Variants in MAST4 observed in about 807,000 individuals in gnomAD.
The protein encoded by MAST4 is microtubule-associated serine/threonine-protein kinase 4.
In MAST4, 89 loss-of-function variants were observed where a neutral mutation model predicts 162.7. The ratio of observed to expected loss-of-function variants is 0.55; its 90% CI spans 0.46 to 0.65. The LOEUF (loss-of-function observed/expected upper bound fraction) is 0.65, where lower values mean the gene tolerates loss of function less well. Ranked by LOEUF, MAST4 falls within the 30% of genes least tolerant of loss-of-function variation. The pLI, the probability that MAST4 is intolerant of heterozygous loss-of-function variation, is 0.00. For synonymous variants in MAST4, 1,479 were observed against 1,361.1 expected (o/e 1.09, Z -1.91); for missense variants, 3,153 against 3,374.0 (o/e 0.93, Z 1.62).
intron 5 of MAST4, among the ~76,000 whole-genome samples, chr5:67,081,428 G>A (rs537944617): frequency 6.6e-6 from 1 of 151,876 alleles, no homozygotes; most frequent in Admixed American, 6.6e-5. Flanking sequence ...TGTAAAACAG[G>A]CATCGAACTA....
At chr5:66,914,978 A>C (rs547336934) in intron 4 of MAST4, among the ~76,000 whole-genome samples, 1 of 152,226 alleles carries the variant, frequency 6.6e-6, no homozygotes, top group South Asian at 2.1e-4. Flanking sequence ...AAAAGAAGGT[A>C]GAGGCCCGGC....
At position 66,596,971 on chromosome 5, in the gene MAST4, C is replaced by A; in HGVS notation, c.316C>A (p.Pro106Thr). ...PPPLPGGAVPPAPRGSSASQE... is the reference protein window; with the variant it reads ...PPPLPGGAVPTAPRGSSASQE... ...GCCGCTTCCCGGAGGAGCTGTGCCGCCCGCGCCCCGGGGCAGCAGCGCGTC... is the reference window on the plus strand; with the variant it reads ...GCCGCTTCCCGGAGGAGCTGTGCCGACCGCGCCCCGGGGCAGCAGCGCGTC... The change falls in exon 1 of 29, where the codon CCC (proline) becomes ACC (threonine). Residue 106 changes from proline to threonine, a missense_variant. By Grantham distance (38) the Pro-to-Thr change is conservative. Around this residue, in one of 7 missense-constraint regions of MAST4, gnomAD observed 327 missense variants for 336.5 expected, o/e 0.97. Coordinates refer to ENST00000403625, the MANE Select transcript of MAST4 (RefSeq NM_001164664.2). 6.9e-7 allele frequency: 1 copy of A among 1,447,102 alleles called. No homozygotes were observed. Among genetic ancestry groups the A allele is most frequent in the South Asian group, 1.4e-5 (1 of 72,970 alleles). The allele number at this position is 1,447,102 out of a possible 1,614,324, so 89.6% of individuals were successfully genotyped here.
rs1554087410 is a variant in MAST4, at chr5:67,049,023, G to GTATATATATATACACGTATA, written c.675-5369_675-5368insCACGTATATATATATATATA. 9.9e-3 allele frequency among the ~76,000 whole-genome samples: 838 copies of GTATATATATATACACGTATA among 84,864 alleles called. 6 individuals carry two copies. Among genetic ancestry groups the GTATATATATATACACGTATA allele is most frequent in the Non-Finnish European group, 0.015 (617 of 42,392 alleles). 55.7% of individuals were successfully genotyped at this position (84,864 alleles called of 152,430 possible). ...TATACACACACATATATATATATACGTATATATATATATATATACGTGTAT... is the reference window on the plus strand; with the variant it reads ...TATACACACACATATATATATATACGTATATATATATACACGTATATATATATATATATATATACGTGTAT... On this transcript the variant is annotated intron_variant, in intron 4 of 28. Transcript: ENST00000403625.
chr5:66,633,602 T>A (rs1744920680), intron 1 of MAST4, among the ~76,000 whole-genome samples: 1 of 152,230 alleles, frequency 6.6e-6, no homozygotes, highest in African/African-American at 2.4e-5. Flanking sequence ...TATTGGATTC[T>A]GTTGCTAGGA....
chr5:66,601,668 G>C (rs931495572), intron 1 of MAST4, among the ~76,000 whole-genome samples: 1 of 151,956 alleles, frequency 6.6e-6, no homozygotes, highest in Non-Finnish European at 1.5e-5. Flanking sequence ...GGCTCTGAGA[G>C]GATTCTGAGT....
At chr5:66,868,697 G>A (rs990558551) in intron 3 of MAST4, among the ~76,000 whole-genome samples, 4 of 151,956 alleles carry the variant, frequency 2.6e-5, no homozygotes, top group African/African-American at 9.7e-5. Context: ...GAATTTCTGT[G>A]TAAATACATT....
chr5:66,914,977 T>TAG (rs1764012723), intron 4 of MAST4, among the ~76,000 whole-genome samples: 1 of 151,860 alleles, frequency 6.6e-6, no homozygotes, highest in Non-Finnish European at 1.5e-5. Context: ...GAAAAGAAGG[T>TAG]AGAGGCCCGG....
rs1281528442 is a variant in MAST4 at position 67,130,298 on chromosome 5, A to G, written c.1834A>G (p.Ile612Val). 1.2e-6 allele frequency: 2 copies of G among 1,613,862 alleles called. No homozygotes were observed. The highest frequency in any genetic ancestry group is 2.2e-5 in the South Asian group (2 of 91,080). Residue 612 changes from isoleucine to valine, a missense_variant, in exon 15 of 29, where the codon ATC becomes GTC. Around this residue, in one of 7 missense-constraint regions of MAST4, gnomAD observed 131 missense variants for 253.8 expected, o/e 0.52. Coordinates refer to ENST00000403625, the MANE Select transcript of MAST4 (RefSeq NM_001164664.2). The part of the protein sequence containing the change: ...NKQNLILRNQ[I>V]QQAFVERDIL... ...ACAGAACCTCATCCTTCGAAACCAGATCCAGCAGGCCTTTGTGGAGCGGGA... is the reference window on the plus strand; with the variant it reads ...ACAGAACCTCATCCTTCGAAACCAGGTCCAGCAGGCCTTTGTGGAGCGGGA...
intron 1 of MAST4, among the ~76,000 whole-genome samples, chr5:66,678,535 G>A (rs558242083): frequency 4.7e-5 from 7 of 150,460 alleles, no homozygotes; most frequent in South Asian, 2.1e-4. Flanking sequence ...TTGTTCTGTC[G>A]CCAGGCTGGA....
intron 3 of MAST4, among the ~76,000 whole-genome samples, chr5:66,886,406 C>T (rs572959719): frequency 4.5e-4 from 69 of 152,274 alleles, no homozygotes; most frequent in Middle Eastern, 3.4e-3. Flanking sequence ...AATTCATCAA[C>T]TTGTCCAAAT....
intron 3 of MAST4, among the ~76,000 whole-genome samples, chr5:66,844,403 A>G (rs1357292075): frequency 2.0e-5 from 3 of 152,120 alleles, no homozygotes; most frequent in Non-Finnish European, 4.4e-5. Context: ...TTTTATCTGT[A>G]TGCTGAAAAC....
At chr5:66,896,245 C>T (rs553284743) in intron 3 of MAST4, among the ~76,000 whole-genome samples, 78 of 152,182 alleles carry the variant, frequency 5.1e-4, no homozygotes, top group African/African-American at 1.7e-3. Flanking sequence ...GGCTTTTTCA[C>T]GATTAGACTG....
At chr5:66,802,573 T>C (rs1227020253) in intron 3 of MAST4, among the ~76,000 whole-genome samples, 1 of 152,228 alleles carries the variant, frequency 6.6e-6, no homozygotes, top group East Asian at 1.9e-4. Flanking sequence ...CATATCTGTT[T>C]GAAGACTGAG....
chr5:66,919,453 G>C (rs1764337084), intron 4 of MAST4, among the ~76,000 whole-genome samples: 1 of 151,722 alleles, frequency 6.6e-6, no homozygotes. Flanking sequence ...TTAAGGTCAG[G>C]AATTTGTGAC....
At chr5:66,784,963 C>T (rs1335717472) in intron 2 of MAST4, among the ~76,000 whole-genome samples, 1 of 152,190 alleles carries the variant, frequency 6.6e-6, no homozygotes, top group African/African-American at 2.4e-5. Flanking sequence ...CCTGTAATCC[C>T]AACACTTTGG....
At chr5:66,805,146 A>G (rs948750436) in intron 3 of MAST4, among the ~76,000 whole-genome samples, 19 of 152,146 alleles carry the variant, frequency 1.2e-4, no homozygotes, top group Admixed American at 9.8e-4. Flanking sequence ...CCTGTTTGGA[A>G]CTCATTTTTC....
chr5:66,749,059 G>A (rs1752967580), intron 1 of MAST4, among the ~76,000 whole-genome samples: 1 of 152,060 alleles, frequency 6.6e-6, no homozygotes, highest in African/African-American at 2.4e-5. Flanking sequence ...GTGTCACTCA[G>A]GAGGGCCAGT....
In MAST4 at chr5:66,600,594, A is replaced by T. The variant is rs531749221; in HGVS notation, c.363+3576A>T. ...GAATGAGAAAAAATGGCATCTATGAAAATAGTTGCACATTTGATTGAAGGG... is the reference window on the plus strand; with the variant it reads ...GAATGAGAAAAAATGGCATCTATGATAATAGTTGCACATTTGATTGAAGGG... On this transcript the variant is annotated intron_variant, in intron 1 of 28. Transcript: ENST00000403625. 2.2e-4 allele frequency among the ~76,000 whole-genome samples: 33 copies of T among 152,362 alleles called. No individual in the cohort carries two copies. In the South Asian group the frequency reaches 6.6e-3, roughly 31 times the overall value.
chr5:66,984,941 A>G (rs1456924210), intron 4 of MAST4, among the ~76,000 whole-genome samples: 1 of 152,184 alleles, frequency 6.6e-6, no homozygotes, highest in East Asian at 1.9e-4. Flanking sequence ...TGAGATCTTT[A>G]TATGATACTC....
Sources: gnomAD v4.1 joint callset for allele counts (sites outside exome capture counted in the v4.1 genomes callset) on GRCh38, gnomAD v4.1.1 for gene constraint, gnomAD v4.1.1 regional missense constraint, MANE v1.5 for transcripts, NCBI Gene and HGNC (gene_info 2026-07-23, HGNC 2026-07-21) for gene names.